ADHFE1: variants seen among roughly 807,000 people sequenced by gnomAD.
ADHFE1 encodes the protein alcohol dehydrogenase iron containing 1.
A neutral mutation model predicts 54.8 loss-of-function variants in ADHFE1; 37 were observed. That is an observed-to-expected ratio of 0.68 (90% CI 0.52 to 0.89). The LOEUF (loss-of-function observed/expected upper bound fraction) is 0.89. Among genes scored for constraint, ADHFE1 ranks in the 40% least tolerant of loss-of-function variants. The pLI is 0.00. For synonymous variants in ADHFE1, 203 were observed against 229.3 expected (o/e 0.89, Z 1.04); for missense variants, 601 against 591.2 (o/e 1.02, Z -0.17).
At position 66,452,094 on chromosome 8, in the gene ADHFE1, G is replaced by A; in HGVS notation, c.876G>A (p.Lys292=). The A allele has an allele frequency of 1.9e-6, 3 of 1,614,132 alleles. No individual in the cohort carries two copies. In the Admixed American group the frequency reaches 5.0e-5, roughly 27 times the overall value. The change falls in exon 9 of 14, where the codon AAG becomes AAA. Residue 292 remains lysine (K), a synonymous_variant. Transcript: ENST00000396623. ...TCCACGCGCTGCGGATCGTGGCTAA[G>A]TATCTGAAGAGGTATGTCACCCCGA... The part of the protein sequence containing the change: ...WAIHALRIVA[K]YLKRAVRNPD...
intron 9 of ADHFE1, 124 bp downstream of exon 9, chr8:66,452,229 T>C: frequency 7.5e-7 from 1 of 1,325,102 alleles, no homozygotes; most frequent in South Asian, 1.5e-5. Flanking sequence ...AGTCAGTGGA[T>C]GCGCAGAAGC....
chr8:66,453,277 C>T (rs145262832), intron 9 of ADHFE1, among the ~76,000 whole-genome samples: 60 of 152,280 alleles, frequency 3.9e-4, no homozygotes, highest in African/African-American at 1.3e-3. Context: ...GAGGCAGGAA[C>T]ACCCAACCAT....
chr8:66,451,873 C>A, intron 8 of ADHFE1, 80 bp from the exon 9 acceptor site: 1 of 1,547,340 alleles, frequency 6.5e-7, no homozygotes, highest in South Asian at 1.2e-5. Flanking sequence ...CCAAACAGCT[C>A]CAAGACAGGT....
chr8:66,452,941 C>A (rs552927908), intron 9 of ADHFE1, among the ~76,000 whole-genome samples: 2 of 152,226 alleles, frequency 1.3e-5, no homozygotes, highest in Non-Finnish European at 2.9e-5. Flanking sequence ...TAGGCCTAGA[C>A]GTGAGCACGG....
chr8:66,466,118 G>C (rs1431697013), intron 13 of ADHFE1, among the ~76,000 whole-genome samples: 1 of 150,134 alleles, frequency 6.7e-6, no homozygotes, highest in African/African-American at 2.5e-5. Flanking sequence ...GGCCAGGCTG[G>C]AGTGCAGTGG....
intron 13 of ADHFE1, among the ~76,000 whole-genome samples, chr8:66,467,155 C>T (rs576233557): frequency 1.3e-5 from 2 of 152,094 alleles, no homozygotes; most frequent in Admixed American, 6.5e-5. Flanking sequence ...TCCTGGATTC[C>T]GGTTGTGGTA....
chr8:66,435,595 T>C (rs2130328997), intron 1 of ADHFE1, among the ~76,000 whole-genome samples: 1 of 147,046 alleles, frequency 6.8e-6, no homozygotes, highest in East Asian at 2.0e-4. Flanking sequence ...ATCTCCTCAT[T>C]TCAAGATTTT....
chr8:66,440,143 T>A lies in ADHFE1; in HGVS notation c.60-19T>A. The A allele has an allele frequency of 1.2e-6, 2 of 1,609,970 alleles. No homozygotes were observed. Among genetic ancestry groups the A allele is most frequent in the Non-Finnish European group, 1.7e-6 (2 of 1,178,850 alleles). ...TTTTCACCTTAGGTTTTTTTTGCTG[T>A]CGTTTTTATTTTCCCTAGGTGCCAG... On this transcript the variant is annotated intron_variant, in intron 1 of 13. Transcript: ENST00000396623.
In ADHFE1 at chr8:66,453,914, C is replaced by T. The variant is rs371779327; in HGVS notation, c.888-145C>T. ...TTCAGTTTTCATTTAGAAGACAAGG[C>T]GTCGTTTGAATAACTTGCCTGATTT... On this transcript the variant is annotated intron_variant, in intron 9 of 13. Coordinates refer to ENST00000396623, the MANE Select transcript of ADHFE1 (RefSeq NM_144650.3). 1.3e-4 allele frequency: 191 copies of T among 1,517,998 alleles called. No homozygotes were observed. The African/African-American group carries it at 1.4e-3, about 11-fold the overall frequency. 94.0% of individuals were successfully genotyped at this position (1,517,998 alleles called of 1,614,324 possible).
rs528716269 is a variant in ADHFE1, at chr8:66,447,900, T to C, written c.628+559T>C. 2.7e-4 allele frequency among the ~76,000 whole-genome samples: 41 copies of C among 152,348 alleles called. No homozygotes were observed. The South Asian group carries it at 8.5e-3, about 32-fold the overall frequency. ...ACATATTTTTTACATTTTAAATCAA[T>C]TTTATTGAGATATGACTTTTGTATA... is the stretch of plus-strand genomic sequence containing the variant. On this transcript the variant is annotated intron_variant, in intron 7 of 13. Coordinates refer to ENST00000396623, the MANE Select transcript of ADHFE1 (RefSeq NM_144650.3).
At chr8:66,444,914 A>G (rs1227876728) in intron 5 of ADHFE1, among the ~76,000 whole-genome samples, 166 bp downstream of exon 5, 1 of 152,208 alleles carries the variant, frequency 6.6e-6, no homozygotes, top group Non-Finnish European at 1.5e-5. Flanking sequence ...CAGTATGGCC[A>G]ACATGGTGAA....
intron 6 of ADHFE1, among the ~76,000 whole-genome samples, chr8:66,446,515 G>A (rs181756554): frequency 5.3e-5 from 8 of 152,282 alleles, no homozygotes; most frequent in Middle Eastern, 3.4e-3. Flanking sequence ...CATCACACAC[G>A]TGCATGATTA....
In ADHFE1 at chr8:66,453,915, G is replaced by A. The variant is rs1362843204; in HGVS notation, c.888-144G>A. 3.4e-5 allele frequency: 51 copies of A among 1,518,584 alleles called. No homozygotes were observed. In the Admixed American group the frequency reaches 3.7e-4, roughly 11 times the overall value. 94.1% of individuals were successfully genotyped at this position (1,518,584 alleles called of 1,614,324 possible). ...TCAGTTTTCATTTAGAAGACAAGGC[G>A]TCGTTTGAATAACTTGCCTGATTTT... On this transcript the variant is annotated intron_variant, in intron 9 of 13. Coordinates refer to ENST00000396623, the MANE Select transcript of ADHFE1 (RefSeq NM_144650.3).
intron 13 of ADHFE1, among the ~76,000 whole-genome samples, chr8:66,466,221 A>G (rs937174871): frequency 6.9e-6 from 1 of 144,084 alleles, no homozygotes; most frequent in East Asian, 2.0e-4. Context: ...GCTGCCCACC[A>G]CCACACCCAG....
chr8:66,433,037 C>A, intron 1 of ADHFE1: 1 of 359,018 alleles, frequency 2.8e-6, no homozygotes, highest in Non-Finnish European at 3.9e-6. Context: ...CCGGCTATAG[C>A]AGACTGGGTG....
intron 6 of ADHFE1, among the ~76,000 whole-genome samples, chr8:66,446,645 C>T (rs1009250625): frequency 1.9e-4 from 29 of 150,122 alleles, no homozygotes; most frequent in Non-Finnish European, 3.5e-4. Flanking sequence ...TATATATTAA[C>T]GCTCATATTT....
At chr8:66,451,473 C>T (rs552884904) in intron 8 of ADHFE1, among the ~76,000 whole-genome samples, 27 of 152,176 alleles carry the variant, frequency 1.8e-4, no homozygotes, top group Non-Finnish European at 3.1e-4. Flanking sequence ...GGATTGACAT[C>T]TGGGCAGCTG....
At position 66,439,119 on chromosome 8, in the gene ADHFE1, C is replaced by T; in HGVS notation, c.60-1043C>T. 1.1e-6 allele frequency: 1 copy of T among 916,136 alleles called. No individual in the cohort carries two copies. The highest frequency in any genetic ancestry group is 1.3e-6 in the Non-Finnish European group (1 of 766,772). 56.8% of individuals were successfully genotyped at this position (916,136 alleles called of 1,614,324 possible). A position where few individuals can be genotyped will look rare whatever the true frequency, so the allele number is the denominator to read the frequency against. On this transcript the variant is annotated intron_variant, in intron 1 of 13. Coordinates refer to ENST00000396623, the MANE Select transcript of ADHFE1 (RefSeq NM_144650.3). This position sits in a 1 kb window ranked among gnomAD's most constrained non-coding sequence, Gnocchi z 4.4. Reference sequence around the variant, plus strand: ...GGCAGCCGCGACTCGCGCCAGCTCTCACTCGCCCCCGCGTCTGCTTTGACT... The same window carrying T: ...GGCAGCCGCGACTCGCGCCAGCTCTTACTCGCCCCCGCGTCTGCTTTGACT...
chr8:66,457,253 T>C, intron 12 of ADHFE1, 87 bp downstream of exon 12: 2 of 1,253,850 alleles, frequency 1.6e-6, no homozygotes, highest in Admixed American at 3.7e-5. Flanking sequence ...CTAAGTTGGG[T>C]GCATCACTTG....
Sources: allele counts gnomAD v4.1 joint callset (sites outside exome capture counted in the v4.1 genomes callset), GRCh38; gene constraint gnomAD v4.1.1; non-coding constraint Gnocchi (gnomAD v3.1); transcripts MANE v1.5; gene names NCBI Gene and HGNC (gene_info 2026-07-23, HGNC 2026-07-21).